Variants in NTNG1 observed in about 807,000 individuals in gnomAD.
The protein encoded by NTNG1 is netrin-G1.
Under a neutral mutation model 54.0 loss-of-function variants are expected in NTNG1, and 16 were observed. That is an observed-to-expected ratio of 0.30 (90% CI 0.20 to 0.45). The LOEUF (loss-of-function observed/expected upper bound fraction) is 0.45, where lower values mean the gene tolerates loss of function less well. NTNG1 is among the 20% of genes least tolerant of loss of function. The probability of loss-of-function intolerance (pLI) is 1.00; values close to 1 mark genes in which losing one functional copy is unlikely to be tolerated. For synonymous variants in NTNG1, 255 were observed against 263.1 expected (o/e 0.97, Z 0.30); for missense variants, 530 against 678.7 (o/e 0.78, Z 2.43).
chr1:107,325,060 C>A, intron 3 of NTNG1, 138 bp downstream of exon 3: 1 of 843,388 alleles, frequency 1.2e-6, no homozygotes, highest in Non-Finnish European at 1.8e-6. Context: ...GAAGTAGGTT[C>A]TGAAGGCATT....
chr1:107,236,604 C>T (rs1661428780), intron 2 of NTNG1, among the ~76,000 whole-genome samples: 1 of 152,174 alleles, frequency 6.6e-6, no homozygotes, highest in South Asian at 2.1e-4. Context: ...GCTATGTCCC[C>T]ACCCAGATCT....
intron 2 of NTNG1, among the ~76,000 whole-genome samples, chr1:107,152,631 A>G (rs1455899147): frequency 6.6e-6 from 1 of 152,200 alleles, no homozygotes; most frequent in African/African-American, 2.4e-5. Context: ...CACTGTAGAA[A>G]TGGAAGCCCT....
chr1:107,461,111 T>C (rs897896902), intron 7 of NTNG1, among the ~76,000 whole-genome samples: 6 of 152,220 alleles, frequency 3.9e-5, no homozygotes, highest in Admixed American at 3.3e-4. Context: ...TACCAGCCAC[T>C]GCTCTGGATA....
intron 7 of NTNG1, among the ~76,000 whole-genome samples, chr1:107,450,309 C>T (rs191939142): frequency 1.3e-5 from 2 of 152,078 alleles, no homozygotes; most frequent in African/African-American, 2.4e-5. Flanking sequence ...TTGAAAAATG[C>T]AGCCTCAGCC....
At chr1:107,261,878 T>C (rs371968445) in intron 2 of NTNG1, among the ~76,000 whole-genome samples, 7 of 152,222 alleles carry the variant, frequency 4.6e-5, no homozygotes, top group African/African-American at 1.7e-4. Context: ...CGATAACAAC[T>C]ATATTATAAG....
chr1:107,210,547 A>G (rs1291973279), intron 2 of NTNG1, among the ~76,000 whole-genome samples: 2 of 152,210 alleles, frequency 1.3e-5, no homozygotes, highest in African/African-American at 4.8e-5. Flanking sequence ...CTGGCAGCTC[A>G]GGCTATCCTC....
intron 2 of NTNG1, among the ~76,000 whole-genome samples, chr1:107,180,981 G>A (rs1377351086): frequency 6.6e-6 from 1 of 152,116 alleles, no homozygotes; most frequent in Admixed American, 6.6e-5. Flanking sequence ...TGTATTTAGA[G>A]ATCCCCTAAG....
In NTNG1 at chr1:107,436,770, C is replaced by T. The variant is rs1009840067; in HGVS notation, c.1361C>T (p.Pro454Leu). The T allele has an allele frequency of 5.0e-6, 8 of 1,613,212 alleles. No individual in the cohort carries two copies. Among genetic ancestry groups the T allele is most frequent in the African/African-American group, 2.7e-5 (2 of 74,892 alleles). ...GGGCCTAAGTGTGATGAGTGTCTGCCGGGAAATTCCTGGCACTACGGCTGT... is the reference window on the plus strand; with the variant it reads ...GGGCCTAAGTGTGATGAGTGTCTGCTGGGAAATTCCTGGCACTACGGCTGT... The part of the protein sequence containing the change: ...TTGPKCDECL[P>L]GNSWHYGCQP... Residue 454 changes from proline to leucine, a missense_variant, in exon 7 of 8, where the codon CCG (proline) becomes CTG (leucine). Around this residue, in one of 2 missense-constraint regions of NTNG1, gnomAD observed 212 missense variants for 213.6 expected, o/e 0.99. Coordinates refer to ENST00000370068, the MANE Select transcript of NTNG1 (RefSeq NM_001113226.3).
At chr1:107,349,438 G>A (rs547973537) in intron 3 of NTNG1, among the ~76,000 whole-genome samples, 6 of 152,070 alleles carry the variant, frequency 3.9e-5, no homozygotes, top group Non-Finnish European at 8.8e-5. Context: ...AATAGATCTA[G>A]GTTAGGGAGC....
chr1:107,383,885 A>G (rs1373767210), intron 3 of NTNG1, among the ~76,000 whole-genome samples: 3 of 152,232 alleles, frequency 2.0e-5, no homozygotes, highest in Non-Finnish European at 2.9e-5. Flanking sequence ...ACACCTGTGC[A>G]TATATTAAGC....
At chr1:107,429,146 TC>T (rs1313845365) in intron 5 of NTNG1, among the ~76,000 whole-genome samples, 1 of 151,940 alleles carries the variant, frequency 6.6e-6, no homozygotes, top group African/African-American at 2.4e-5. Flanking sequence ...CCCCCTTTCT[TC>T]TTGCCTCTCT....
At chr1:107,175,738 G>A (rs76512137) in intron 2 of NTNG1, among the ~76,000 whole-genome samples, 2,974 of 152,100 alleles carry the variant, frequency 0.02, 98 homozygotes, top group African/African-American at 0.068. Flanking sequence ...GGCACAGAGT[G>A]AATTTTCTTG....
rs1399749239 is a variant in NTNG1, at chr1:107,482,976, T to G, written c.*2136T>G. 51 of 152,332 alleles carry G rather than the reference T, an allele frequency of 3.3e-4. No individual in the cohort carries two copies. Among genetic ancestry groups the G allele is most frequent in the Non-Finnish European group, 1.6e-4 (11 of 68,032 alleles). The allele number at this position is 152,332 out of a possible 1,614,324, so 9.4% of individuals were successfully genotyped here. A position where few individuals can be genotyped will look rare whatever the true frequency, so the allele number is the denominator to read the frequency against. The stretch of plus-strand genomic sequence containing the variant: ...GATGGAAATAAATTAGAGCTTAGGC[T>G]TAGTGCCAGAGTGGCCAACCAGAAA... On this transcript the variant is annotated 3_prime_UTR_variant, in exon 8 of 8. Transcript: ENST00000370068.
At chr1:107,233,141 T>C (rs1661181576) in intron 2 of NTNG1, among the ~76,000 whole-genome samples, 1 of 152,326 alleles carries the variant, frequency 6.6e-6, no homozygotes, top group South Asian at 2.1e-4. Flanking sequence ...TTAAACCATA[T>C]AGACCTGTCT....
intron 2 of NTNG1, among the ~76,000 whole-genome samples, chr1:107,288,692 T>G (rs1013341956): frequency 6.6e-6 from 1 of 152,108 alleles, no homozygotes; most frequent in Non-Finnish European, 1.5e-5. Context: ...GATTGACAAA[T>G]GAGTGGGGGT....
intron 6 of NTNG1, 26 bp from the exon 7 acceptor site, chr1:107,436,639 G>T: frequency 6.2e-7 from 1 of 1,608,044 alleles, no homozygotes; most frequent in Non-Finnish European, 8.5e-7. Flanking sequence ...CTTGTCTCCA[G>T]CCTGTGTGTT....
At chr1:107,363,512 A>C (rs1670411506) in intron 3 of NTNG1, among the ~76,000 whole-genome samples, 1 of 152,238 alleles carries the variant, frequency 6.6e-6, no homozygotes, top group Admixed American at 6.5e-5. Flanking sequence ...TGCACTTAAT[A>C]AATGTTAGTT....
At chr1:107,289,726 A>G (rs142821863) in intron 2 of NTNG1, among the ~76,000 whole-genome samples, 25 of 152,278 alleles carry the variant, frequency 1.6e-4, no homozygotes, top group African/African-American at 5.3e-4. Flanking sequence ...TATGTGGTGT[A>G]TACTGCATAC....
chr1:107,201,116 G>A (rs1179578457), intron 2 of NTNG1, among the ~76,000 whole-genome samples: 1 of 151,666 alleles, frequency 6.6e-6, no homozygotes, highest in African/African-American at 2.4e-5. Context: ...TCAAAAACTT[G>A]TACCTTTATT....
Sources: gnomAD v4.1 joint callset for allele counts (sites outside exome capture counted in the v4.1 genomes callset) on GRCh38, gnomAD v4.1.1 for gene constraint, gnomAD v4.1.1 regional missense constraint, MANE v1.5 for transcripts, NCBI Gene and HGNC (gene_info 2026-07-23, HGNC 2026-07-21) for gene names.